SIPA1L1: variants seen among roughly 807,000 people sequenced by gnomAD.
SIPA1L1 encodes signal-induced proliferation-associated 1-like protein 1.
A neutral mutation model predicts 162.7 loss-of-function variants in SIPA1L1; 26 were observed. The ratio of observed to expected loss-of-function variants is 0.16; its 90% CI spans 0.12 to 0.22. The LOEUF (loss-of-function observed/expected upper bound fraction) is 0.22, where lower values mean the gene tolerates loss of function less well. Ranked by LOEUF, SIPA1L1 falls within the 10% of genes least tolerant of loss-of-function variation. The pLI is 1.00. For synonymous variants in SIPA1L1, 829 were observed against 837.4 expected (o/e 0.99, Z 0.17); for missense variants, 1,874 against 2,241.0 (o/e 0.84, Z 3.31).
At chr14:71,344,141 A>C (rs1407361285) in intron 2 of SIPA1L1, among the ~76,000 whole-genome samples, 1 of 152,160 alleles carries the variant, frequency 6.6e-6, no homozygotes. Flanking sequence ...CATTTGAAGG[A>C]AGTATTTCCC....
intron 2 of SIPA1L1, among the ~76,000 whole-genome samples, chr14:71,458,395 C>T (rs2046340229): frequency 1.3e-5 from 2 of 152,070 alleles, no homozygotes; most frequent in Admixed American, 1.3e-4. Context: ...AGGTCATATT[C>T]GTATGTAACA....
chr14:71,363,011 A>G (rs1820831264), intron 2 of SIPA1L1, among the ~76,000 whole-genome samples: 1 of 152,256 alleles, frequency 6.6e-6, no homozygotes, highest in Non-Finnish European at 1.5e-5. Flanking sequence ...ATGTAATGGC[A>G]GTTACGTGTG....
At chr14:71,436,105 A>G (rs2044357328) in intron 2 of SIPA1L1, among the ~76,000 whole-genome samples, 1 of 107,548 alleles carries the variant, frequency 9.3e-6, no homozygotes, top group South Asian at 2.7e-4. Context: ...TGAACATACT[A>G]TCGTGTGCTT....
At chr14:71,578,065 C>G (rs375928499) in intron 4 of SIPA1L1, among the ~76,000 whole-genome samples, 6 of 152,240 alleles carry the variant, frequency 3.9e-5, no homozygotes, top group East Asian at 3.9e-4. Context: ...CACACGCTAT[C>G]ATGCCTGGCT....
intron 9 of SIPA1L1, 49 bp downstream of exon 9, chr14:71,658,485 C>T (rs370834222): frequency 6.6e-6 from 8 of 1,204,590 alleles, no homozygotes; most frequent in Non-Finnish European, 9.9e-6. Context: ...TTCATTTCCT[C>T]TAGAAGCCTA....
In SIPA1L1 at chr14:71,350,854, A is replaced by T. The variant is rs184210018; in HGVS notation, c.-465+29673A>T. Among the ~76,000 whole-genome samples, 9 of 152,358 alleles carry T rather than the reference A, an allele frequency of 5.9e-5. No individual in the cohort carries two copies. The East Asian group carries it at 1.7e-3, about 29-fold the overall frequency. Reference sequence around the variant, plus strand: ...TTTAGTTTAACAAAAGGCTGTCCTTATGAACAAGATGGGAAAATGTGATAT... The same window carrying T: ...TTTAGTTTAACAAAAGGCTGTCCTTTTGAACAAGATGGGAAAATGTGATAT... On this transcript the variant is annotated intron_variant, in intron 2 of 23. Coordinates refer to ENST00000381232, the MANE Select transcript of SIPA1L1 (RefSeq NM_001386936.1).
chr14:71,735,341 C>T lies in SIPA1L1; in HGVS notation c.5073C>T (p.Asn1691=). The T allele has an allele frequency of 6.2e-7, 1 of 1,614,172 alleles. No homozygotes were observed. The highest frequency in any genetic ancestry group is 8.5e-7 in the Non-Finnish European group (1 of 1,179,994). ...ATCGCCCCTTGAGTGCTGCATCCAA[C>T]AGTGATCAGCTGGAGGACCAGGCTC... ...ENHRPLSAAS[N]SDQLEDQALA... Residue 1691 remains asparagine, a synonymous_variant, in exon 22 of 24, where the codon AAC becomes AAT. Coordinates refer to ENST00000381232, the MANE Select transcript of SIPA1L1 (RefSeq NM_001386936.1).
intron 20 of SIPA1L1, among the ~76,000 whole-genome samples, chr14:71,733,366 C>T (rs1039000866): frequency 6.6e-6 from 1 of 152,250 alleles, no homozygotes; most frequent in South Asian, 2.1e-4. Context: ...CTGCCTAGGC[C>T]CTGCTGTGGA....
intron 2 of SIPA1L1, among the ~76,000 whole-genome samples, chr14:71,334,150 A>G (rs1208477812): frequency 1.3e-5 from 2 of 152,198 alleles, no homozygotes; most frequent in African/African-American, 4.8e-5. Context: ...GCAGTCAGGT[A>G]GGCAGCTGGG....
At chr14:71,543,987 A>G (rs2054793658) in intron 4 of SIPA1L1, among the ~76,000 whole-genome samples, 1 of 149,688 alleles carries the variant, frequency 6.7e-6, no homozygotes, top group Admixed American at 6.6e-5. Context: ...ACGCACATGT[A>G]TATATACACA....
chr14:71,471,233 G>C (rs1000115893), intron 2 of SIPA1L1, among the ~76,000 whole-genome samples: 15 of 152,210 alleles, frequency 9.9e-5, no homozygotes, highest in African/African-American at 3.6e-4. Flanking sequence ...GACTTTGGGA[G>C]GCTGAGGCAG....
chr14:71,618,970 T>G (rs2039118085), intron 6 of SIPA1L1, 83 bp downstream of exon 6: 12 of 1,435,106 alleles, frequency 8.4e-6, no homozygotes, highest in Non-Finnish European at 1.2e-5. Flanking sequence ...CAATTAAATT[T>G]AATAGCACAT....
chr14:71,429,807 A>C (rs2043849588), intron 2 of SIPA1L1, among the ~76,000 whole-genome samples: 1 of 152,082 alleles, frequency 6.6e-6, no homozygotes, highest in African/African-American at 2.4e-5. Context: ...AGATCTCATT[A>C]GCTTATAATA....
intron 17 of SIPA1L1, among the ~76,000 whole-genome samples, chr14:71,718,099 T>C (rs2083407370): frequency 6.6e-6 from 1 of 152,192 alleles, no homozygotes; most frequent in Admixed American, 6.5e-5. Flanking sequence ...GTGTGAACAC[T>C]TGGAGGACAT....
At chr14:71,516,210 T>C (rs1458802519) in intron 3 of SIPA1L1, among the ~76,000 whole-genome samples, 4 of 152,210 alleles carry the variant, frequency 2.6e-5, no homozygotes, top group Admixed American at 2.6e-4. Context: ...GATGTTGTTT[T>C]TGGTTTTGTT....
At chr14:71,561,535 T>C (rs2056790587) in intron 4 of SIPA1L1, among the ~76,000 whole-genome samples, 2 of 152,222 alleles carry the variant, frequency 1.3e-5, no homozygotes, top group Non-Finnish European at 2.9e-5. Context: ...TTTTTGTTAA[T>C]TAACAAGTGA....
rs2035879859 is a variant in SIPA1L1, at chr14:71,595,079, C to T, written c.1498+5709C>T. 2.6e-5 allele frequency among the ~76,000 whole-genome samples: 4 copies of T among 152,324 alleles called. No individual in the cohort carries two copies. In the South Asian group the frequency reaches 8.3e-4, roughly 32 times the overall value. On this transcript the variant is annotated intron_variant, in intron 5 of 23. Transcript: ENST00000381232. ...GAAGGCTTTCACAGTGCCTGAGCCT[C>T]TCAAGCCAGAGGTTTTTGGAAGCTG...
intron 2 of SIPA1L1, among the ~76,000 whole-genome samples, chr14:71,455,009 G>A (rs1478234755): frequency 1.3e-5 from 2 of 152,120 alleles, no homozygotes; most frequent in East Asian, 3.9e-4. Context: ...ATTTGACAGG[G>A]GCTGACACAG....
intron 2 of SIPA1L1, among the ~76,000 whole-genome samples, chr14:71,471,561 C>T (rs974825659): frequency 6.6e-6 from 1 of 152,188 alleles, no homozygotes; most frequent in Non-Finnish European, 1.5e-5. Flanking sequence ...GGTCCTTTCC[C>T]TCTAGATGCT....
Sources: gnomAD v4.1 joint callset for allele counts (sites outside exome capture counted in the v4.1 genomes callset) on GRCh38, gnomAD v4.1.1 for gene constraint, MANE v1.5 for transcripts, NCBI Gene and HGNC (gene_info 2026-07-23, HGNC 2026-07-21) for gene names.